Variants in ARSG observed in about 807,000 individuals in gnomAD.
The protein encoded by ARSG is ASG.
In ARSG, 37 loss-of-function variants were observed where a neutral mutation model predicts 50.5. The ratio of observed to expected loss-of-function variants is 0.73; its 90% confidence interval spans 0.56 to 0.96. The LOEUF (loss-of-function observed/expected upper bound fraction) is 0.96. Ranked by LOEUF, ARSG falls within the 50% of genes least tolerant of loss-of-function variation. The probability of loss-of-function intolerance (pLI) is 0.00; values close to 1 mark genes in which losing one functional copy is unlikely to be tolerated. For synonymous variants in ARSG, 225 were observed against 254.6 expected (o/e 0.88, Z 1.11); for missense variants, 629 against 675.3 (o/e 0.93, Z 0.76).
intron 1 of ARSG, chr17:68,266,917 G>A (rs1177874290): frequency 2.6e-5 from 4 of 152,090 alleles, no homozygotes; most frequent in African/African-American, 4.8e-5. Flanking sequence ...GAAGATAAAC[G>A]TTAAAAAATT....
At chr17:68,264,325 AT>A (rs1472011728) in intron 1 of ARSG, among the ~76,000 whole-genome samples, 1 of 152,242 alleles carries the variant, frequency 6.6e-6, no homozygotes, top group Admixed American at 6.5e-5. Context: ...AGGCAAATAA[AT>A]GCTGAAAAGC....
intron 11 of ARSG, among the ~76,000 whole-genome samples, chr17:68,403,644 T>G (rs947823887): frequency 6.6e-6 from 1 of 152,230 alleles, no homozygotes; most frequent in African/African-American, 2.4e-5. Flanking sequence ...CTGGGAGTGG[T>G]CTTGAAAAGA....
chr17:68,262,296 TC>T (rs2075084578), intron 1 of ARSG, among the ~76,000 whole-genome samples: 3 of 150,840 alleles, frequency 2.0e-5, no homozygotes, highest in Admixed American at 6.6e-5. Context: ...ACGGTGAAAC[TC>T]CGTGTCTACT....
At chr17:68,314,342 C>T (rs375224014) in intron 2 of ARSG, among the ~76,000 whole-genome samples, 1 of 151,898 alleles carries the variant, frequency 6.6e-6, no homozygotes, top group East Asian at 1.9e-4. Context: ...GCCTGACCAA[C>T]AAGAAGAAAC....
intron 1 of ARSG, chr17:68,270,961 C>T (rs1555748295): frequency 6.2e-7 from 1 of 1,614,192 alleles, no homozygotes; most frequent in African/African-American, 1.3e-5. Flanking sequence ...GTGAGTCCCT[C>T]CTATTGTTCC....
intron 1 of ARSG, among the ~76,000 whole-genome samples, chr17:68,277,675 C>T (rs1209912756): frequency 6.6e-6 from 1 of 152,092 alleles, no homozygotes; most frequent in Non-Finnish European, 1.5e-5. Context: ...ACTGATCCAC[C>T]CACCTTGACC....
the ARSG span, chr17:68,433,690 C>T: frequency 2.9e-6 from 2 of 681,992 alleles, no homozygotes; most frequent in East Asian, 3.2e-5. Context: ...CCTAGGTAGA[C>T]CCAGATCCCT....
chr17:68,259,605 A>G (rs1367507840), intron 1 of ARSG, among the ~76,000 whole-genome samples: 3 of 152,258 alleles, frequency 2.0e-5, no homozygotes, highest in African/African-American at 7.2e-5. Context: ...ATAAAGAAGC[A>G]GGTGGAGTTA....
At chr17:68,311,130 C>T (rs889515170) in intron 2 of ARSG, among the ~76,000 whole-genome samples, 23 of 152,146 alleles carry the variant, frequency 1.5e-4, no homozygotes, top group African/African-American at 5.5e-4. Flanking sequence ...CACTCCAGCC[C>T]GGGCAACAGA....
chr17:68,390,416 C>T (rs1208954660), intron 9 of ARSG, among the ~76,000 whole-genome samples: 1 of 152,172 alleles, frequency 6.6e-6, no homozygotes, highest in Admixed American at 6.5e-5. Context: ...GGCAATGCAA[C>T]CTGCAAAGAT....
In ARSG at chr17:68,370,410, C is replaced by T. The variant is rs1476947362; in HGVS notation, c.902-34C>T. ...AGGGTCAGCGAAAGTGTCCAACCAG[C>T]CTGGTGACCATTAATGCTTTTTCTG... On this transcript the variant is annotated intron_variant, in intron 7 of 11. Coordinates refer to ENST00000621439, the MANE Select transcript of ARSG (RefSeq NM_001267727.2). 3 of 1,606,728 alleles carry T rather than the reference C, an allele frequency of 1.9e-6. No homozygotes were observed. The Admixed American group carries it at 5.0e-5, about 27-fold the overall frequency.
At chr17:68,341,309 CT>C (rs1190499500) in intron 2 of ARSG, among the ~76,000 whole-genome samples, 1 of 152,136 alleles carries the variant, frequency 6.6e-6, no homozygotes, top group Non-Finnish European at 1.5e-5. Flanking sequence ...TTTAATTCTA[CT>C]TTTTGGCCAT....
chr17:68,379,169 T>C (rs184268338), intron 8 of ARSG, among the ~76,000 whole-genome samples: 190 of 152,250 alleles, frequency 1.2e-3, no homozygotes, highest in African/African-American at 4.3e-3. Context: ...CCGCCCTGTG[T>C]TTCTAGAAAA....
At chr17:68,300,768 G>A (rs1278528990) in intron 1 of ARSG, among the ~76,000 whole-genome samples, 1 of 151,892 alleles carries the variant, frequency 6.6e-6, no homozygotes, top group Non-Finnish European at 1.5e-5. Context: ...GATGTCATAT[G>A]CCCCCTGTGG....
chr17:68,271,615 C>T lies in ARSG; in HGVS notation c.-552+12189C>T. Reference sequence around the variant, plus strand: ...CTGTAGTAGGCCCACGAAGAGGAGGCTGTATCTCCAGCCAATGCGCTCCTT... The same window carrying T: ...CTGTAGTAGGCCCACGAAGAGGAGGTTGTATCTCCAGCCAATGCGCTCCTT... On this transcript the variant is annotated intron_variant, in intron 1 of 11. Coordinates refer to the ARSG transcript ENST00000448504. This position sits in a 1 kb window ranked among gnomAD's most constrained non-coding sequence, Gnocchi z 5.3. The T allele has an allele frequency of 6.2e-7, 1 of 1,613,820 alleles. No individual in the cohort carries two copies. Among genetic ancestry groups the T allele is most frequent in the Non-Finnish European group, 8.5e-7 (1 of 1,179,672 alleles).
intron 1 of ARSG, chr17:68,273,792 G>A (rs2075420565): frequency 2.8e-6 from 3 of 1,082,292 alleles, no homozygotes; most frequent in South Asian, 1.6e-5. Context: ...CAAAACTACT[G>A]ATCTGAGACA....
At chr17:68,277,864 A>G (rs2075574713) in intron 1 of ARSG, among the ~76,000 whole-genome samples, 1 of 152,228 alleles carries the variant, frequency 6.6e-6, no homozygotes, top group Admixed American at 6.5e-5. Flanking sequence ...CATGTGTGTT[A>G]AACTGAAGGC....
At chr17:68,332,344 C>T (rs533307411) in intron 2 of ARSG, among the ~76,000 whole-genome samples, 14 of 152,238 alleles carry the variant, frequency 9.2e-5, no homozygotes, top group South Asian at 2.1e-4. Context: ...CCCTGAACAT[C>T]GCTGTTACCC....
chr17:68,339,252 C>T (rs1021670081), intron 2 of ARSG, among the ~76,000 whole-genome samples: 3 of 151,902 alleles, frequency 2.0e-5, no homozygotes, highest in Admixed American at 1.3e-4. Flanking sequence ...GAGCCGAGAT[C>T]GCACCACTGC....
Sources: allele counts gnomAD v4.1 joint callset (sites outside exome capture counted in the v4.1 genomes callset), GRCh38; gene constraint gnomAD v4.1.1; non-coding constraint Gnocchi (gnomAD v3.1); transcripts MANE v1.5; gene names NCBI Gene and HGNC (gene_info 2026-07-23, HGNC 2026-07-21).